SMAD9: variants seen among roughly 807,000 people sequenced by gnomAD.
SMAD9 encodes the protein SMAD family member 9.
SMAD9 carries 36 observed loss-of-function variants against 46.1 expected under a neutral mutation model. The observed-to-expected ratio is 0.78, with a 90% CI of 0.60 to 1.03. The LOEUF (loss-of-function observed/expected upper bound fraction) is 1.03, where lower values mean the gene tolerates loss of function less well. Ranked by LOEUF, SMAD9 falls within the 50% of genes least tolerant of loss-of-function variation. The pLI is 0.00. For synonymous variants in SMAD9, 245 were observed against 237.1 expected, an observed-to-expected ratio of 1.03 and a Z score of -0.31; for missense variants, 572 against 599.8, an observed-to-expected ratio of 0.95 and a Z score of 0.48.
At chr13:36,895,176 T>G (rs2058518280) in intron 1 of SMAD9, among the ~76,000 whole-genome samples, 1 of 152,206 alleles carries the variant, frequency 6.6e-6, no homozygotes, top group Non-Finnish European at 1.5e-5. Context: ...CCTTTTCTAA[T>G]GAGTCCCAAA....
chr13:36,904,372 C>T (rs1180569601), intron 1 of SMAD9, among the ~76,000 whole-genome samples: 1 of 152,140 alleles, frequency 6.6e-6, no homozygotes, highest in Non-Finnish European at 1.5e-5. Flanking sequence ...AATTGCACGG[C>T]GCTGGGATTT....
At chr13:36,896,736 A>G (rs1429114274) in intron 1 of SMAD9, among the ~76,000 whole-genome samples, 3 of 148,528 alleles carry the variant, frequency 2.0e-5, no homozygotes, top group African/African-American at 7.5e-5. Flanking sequence ...ATCCACCCAG[A>G]GAAACCAATC....
At chr13:36,908,416 G>A (rs978170331) in intron 1 of SMAD9, among the ~76,000 whole-genome samples, 1 of 152,192 alleles carries the variant, frequency 6.6e-6, no homozygotes, top group Admixed American at 6.5e-5. Context: ...TTTCTGTTAT[G>A]CTAAATTTTA....
At chr13:36,881,778 A>C (rs1445951143) in intron 1 of SMAD9, among the ~76,000 whole-genome samples, 1 of 152,230 alleles carries the variant, frequency 6.6e-6, no homozygotes, top group Non-Finnish European at 1.5e-5. Flanking sequence ...CTGTTTACTT[A>C]ATCTAGTCAG....
At chr13:36,900,027 A>G (rs1293970750) in intron 1 of SMAD9, among the ~76,000 whole-genome samples, 3 of 152,176 alleles carry the variant, frequency 2.0e-5, no homozygotes, top group African/African-American at 7.2e-5. Context: ...TACTGGTGGC[A>G]TATTAGAATG....
intron 3 of SMAD9, among the ~76,000 whole-genome samples, chr13:36,871,543 A>G (rs1407261674): frequency 1.3e-5 from 2 of 152,180 alleles, no homozygotes; most frequent in African/African-American, 4.8e-5. Flanking sequence ...AAATAAAAAT[A>G]AATAAACGCC....
intron 5 of SMAD9, among the ~76,000 whole-genome samples, chr13:36,858,666 C>G (rs907091950): frequency 1.3e-5 from 2 of 152,166 alleles, no homozygotes; most frequent in Non-Finnish European, 2.9e-5. Context: ...CATGCCCACC[C>G]CATCCTCACA....
chr13:36,858,015 A>G (rs2058143235), intron 5 of SMAD9, among the ~76,000 whole-genome samples: 1 of 152,184 alleles, frequency 6.6e-6, no homozygotes, highest in African/African-American at 2.4e-5. Flanking sequence ...AATAGATGGG[A>G]AAAAGGATAT....
At chr13:36,883,091 G>A (rs900553625) in intron 1 of SMAD9, among the ~76,000 whole-genome samples, 12 of 152,104 alleles carry the variant, frequency 7.9e-5, no homozygotes, top group African/African-American at 2.9e-4. Context: ...GGTGGTCATC[G>A]CCCTGACATT....
chr13:36,866,064 AAAAACTGTCGGCCCT>A (rs1371736755), intron 4 of SMAD9, among the ~76,000 whole-genome samples: 1 of 152,182 alleles, frequency 6.6e-6, no homozygotes, highest in East Asian at 1.9e-4. Context: ...ATGAACATAA[AAAAACTGTCGGCCCT>A]AAAGCAAGCA....
chr13:36,916,261 T>TGCACTATCACATTA (rs1708494144), intron 1 of SMAD9, among the ~76,000 whole-genome samples: 1 of 152,264 alleles, frequency 6.6e-6, no homozygotes, highest in African/African-American at 2.4e-5. Flanking sequence ...AGTGTTTCAT[T>TGCACTATCACATTA]GTGGTAGCCG....
chr13:36,883,533 T>C (rs2138524203), intron 1 of SMAD9, among the ~76,000 whole-genome samples: 1 of 152,290 alleles, frequency 6.6e-6, no homozygotes, highest in African/African-American at 2.4e-5. Flanking sequence ...GGCAGATGGC[T>C]TGAGCTCAGG....
chr13:36,858,790 T>C (rs1226801252), intron 5 of SMAD9, among the ~76,000 whole-genome samples: 1 of 152,192 alleles, frequency 6.6e-6, no homozygotes, highest in Non-Finnish European at 1.5e-5. Flanking sequence ...TTATTAGCTA[T>C]TAACATTTTT....
intron 1 of SMAD9, among the ~76,000 whole-genome samples, chr13:36,888,112 G>T (rs2058462191): frequency 6.6e-6 from 1 of 152,194 alleles, no homozygotes; most frequent in Non-Finnish European, 1.5e-5. Flanking sequence ...GCTGTTTCAG[G>T]GTGTTCACCC....
intron 6 of SMAD9, among the ~76,000 whole-genome samples, chr13:36,850,804 T>C (rs2058068424): frequency 2.0e-5 from 3 of 152,234 alleles, no homozygotes; most frequent in Admixed American, 6.5e-5. Flanking sequence ...ATCCAGACTC[T>C]TATATCGAAC....
chr13:36,862,483 G>A (rs373646079), intron 5 of SMAD9, among the ~76,000 whole-genome samples: 15 of 38,644 alleles, frequency 3.9e-4, no homozygotes, highest in South Asian at 6.4e-4. Flanking sequence ...TTCCATGGCC[G>A]TGCCCAGGTT....
intron 1 of SMAD9, among the ~76,000 whole-genome samples, chr13:36,883,815 G>A (rs1317934479): frequency 6.6e-5 from 10 of 152,288 alleles, no homozygotes; most frequent in Non-Finnish European, 2.9e-5. Flanking sequence ...AATTTTCCAA[G>A]ATTTTTTGGT....
intron 5 of SMAD9, among the ~76,000 whole-genome samples, chr13:36,856,996 G>A (rs1008864977): frequency 1.4e-4 from 22 of 151,984 alleles, no homozygotes; most frequent in Non-Finnish European, 2.9e-4. Context: ...TAGAGATGGT[G>A]TTTTGCCATG....
chr13:36,848,868 C>T (rs1326197027), intron 6 of SMAD9, 49 bp from the exon 7 acceptor site: 1 of 1,599,286 alleles, frequency 6.3e-7, no homozygotes, highest in South Asian at 1.1e-5. Context: ...TTACACTCAG[C>T]CTCCAGAGCC....
Sources: gnomAD v4.1 joint callset for allele counts (sites outside exome capture counted in the v4.1 genomes callset) on GRCh38, gnomAD v4.1.1 for gene constraint, MANE v1.5 for transcripts, NCBI Gene and HGNC (gene_info 2026-07-23, HGNC 2026-07-21) for gene names.